PGM5: variants seen among roughly 807,000 people sequenced by gnomAD.
The protein encoded by PGM5 is phosphoglucomutase 5, also known as phosphoglucomutase-like protein 5.
In PGM5, 23 loss-of-function variants were observed where a neutral mutation model predicts 59.2. That is an observed-to-expected ratio of 0.39 (90% CI 0.28 to 0.55). The LOEUF (loss-of-function observed/expected upper bound fraction) is 0.55. PGM5 is among the 20% of genes least tolerant of loss of function. PGM5 has a pLI of 0.66. For missense variants in PGM5, 574 were observed against 748.3 expected (o/e 0.77, Z 2.72); for synonymous variants, 214 against 286.0 (o/e 0.75, Z 2.54).
intron 2 of PGM5, among the ~76,000 whole-genome samples, chr9:68,381,431 G>C (rs1554678304): frequency 6.6e-6 from 1 of 151,862 alleles, no homozygotes; most frequent in African/African-American, 2.4e-5. Context: ...ATCAATTGGG[G>C]ACAACTGAAA....
chr9:68,392,487 T>C lies in PGM5; in HGVS notation c.1043+14T>C, dbSNP rs1554679592. ...GGCCCTGGACAGGTAAGCAAGGATGTCACCGTGAAAAACTTTATGGTAGAC... is the reference window on the plus strand; with the variant it reads ...GGCCCTGGACAGGTAAGCAAGGATGCCACCGTGAAAAACTTTATGGTAGAC... On this transcript the variant is annotated intron_variant, in intron 6 of 10. Coordinates refer to ENST00000396396, the MANE Select transcript of PGM5 (RefSeq NM_021965.4). The C allele has an allele frequency of 1.2e-6, 2 of 1,609,014 alleles. No homozygotes were observed. Among genetic ancestry groups the C allele is most frequent in the South Asian group, 2.2e-5 (2 of 90,482 alleles).
At chr9:68,477,829 A>G (rs1291230591) in intron 7 of PGM5, among the ~76,000 whole-genome samples, 2 of 152,216 alleles carry the variant, frequency 1.3e-5, no homozygotes, top group African/African-American at 4.8e-5. Flanking sequence ...GTTATTGTCC[A>G]TAGATTACAG....
intron 6 of PGM5, chr9:68,400,668 A>G (rs549179511): frequency 2.4e-4 from 37 of 152,794 alleles, no homozygotes; most frequent in African/African-American, 8.4e-4. Flanking sequence ...TGAATGGTGC[A>G]TAATGACCCA....
intron 7 of PGM5, among the ~76,000 whole-genome samples, chr9:68,472,981 T>C (rs575463844): frequency 6.6e-5 from 10 of 152,318 alleles, no homozygotes; most frequent in African/African-American, 2.2e-4. Flanking sequence ...CATTTAAGAA[T>C]ATTTTTTTAA....
intron 6 of PGM5, among the ~76,000 whole-genome samples, chr9:68,459,684 G>A (rs1275204365): frequency 6.6e-6 from 1 of 152,130 alleles, no homozygotes; most frequent in African/African-American, 2.4e-5. Flanking sequence ...ACTCTTTCCA[G>A]CTAGTCTTGT....
chr9:68,376,805 C>CTTTG (rs1253041328), intron 1 of PGM5, among the ~76,000 whole-genome samples: 15 of 115,830 alleles, frequency 1.3e-4, no homozygotes, highest in African/African-American at 5.0e-4. Context: ...TTCTTTCTTT[C>CTTTG]TTTCTTTCTT....
At chr9:68,415,805 A>ATCTATCTC (rs1823016340) in intron 6 of PGM5, among the ~76,000 whole-genome samples, 1 of 69,396 alleles carries the variant, frequency 1.4e-5, no homozygotes, top group East Asian at 3.5e-4. Context: ...CTATCTATCT[A>ATCTATCTC]TCTATCTATC....
intron 1 of PGM5, among the ~76,000 whole-genome samples, chr9:68,363,948 G>A (rs1834632360): frequency 1.3e-5 from 2 of 152,176 alleles, no homozygotes; most frequent in South Asian, 4.1e-4. Context: ...AAAGGTGTAT[G>A]GTCAACTGAA....
At chr9:68,428,143 G>C (rs1312115308) in intron 6 of PGM5, among the ~76,000 whole-genome samples, 2 of 152,152 alleles carry the variant, frequency 1.3e-5, no homozygotes, top group Non-Finnish European at 2.9e-5. Flanking sequence ...CTTATAAACA[G>C]ATGAAACTCA....
chr9:68,481,389 TGG>T (rs1824194183), intron 8 of PGM5, among the ~76,000 whole-genome samples: 3 of 152,216 alleles, frequency 2.0e-5, no homozygotes, highest in African/African-American at 7.2e-5. Flanking sequence ...GGTAGAAACT[TGG>T]TTTACTCATT....
Position 68,462,473 on chromosome 9 carries a change from A to G in PGM5, c.1044-2620A>G, listed in dbSNP as rs374062739. Among the ~76,000 whole-genome samples, 443 of 152,132 alleles carry G rather than the reference A, an allele frequency of 2.9e-3. 4 individuals carry two copies. The South Asian group carries it at 0.031, about 11-fold the overall frequency. On this transcript the variant is annotated intron_variant, in intron 6 of 10. Transcript: ENST00000396396. ...AGGATCCTGGAATTTGATTACCCAT[A>G]TTGTTATTTTGGCTTGGATAGCTGC... is the stretch of plus-strand genomic sequence containing the variant.
rs1824245737 is a variant in PGM5, at chr9:68,484,019, C to T, written c.1450C>T (p.Pro484Ser). Residue 484 changes from proline (P) to serine (S), a missense_variant, in exon 9 of 11, where the codon CCT becomes TCT. Around this residue, in one of 7 missense-constraint regions of PGM5, gnomAD observed 300 missense variants for 280.0 expected, o/e 1.07. Coordinates refer to ENST00000396396, the MANE Select transcript of PGM5 (RefSeq NM_021965.4). ...GACGGATAGTTTTGAATACGTGGAC[C>T]CTGTGGATGGCACTGTGACCAAGAA... Reference protein sequence around the residue: ...AKTDSFEYVDPVDGTVTKKQG... With the variant: ...AKTDSFEYVDSVDGTVTKKQG... 1 of 1,613,536 alleles carries T rather than the reference C, an allele frequency of 6.2e-7. No individual in the cohort carries two copies. The highest frequency in any genetic ancestry group is 1.7e-5 in the Admixed American group (1 of 59,986).
At chr9:68,405,068 C>CA (rs1822770167) in intron 6 of PGM5, 1 of 152,234 alleles carries the variant, frequency 6.6e-6, no homozygotes, top group African/African-American at 2.4e-5. Context: ...TTCTAGACCC[C>CA]ATGCTCTTAC....
chr9:68,503,415 G>A (rs1824608747), intron 10 of PGM5, among the ~76,000 whole-genome samples: 1 of 152,180 alleles, frequency 6.6e-6, no homozygotes, highest in Non-Finnish European at 1.5e-5. Context: ...AATGAATACT[G>A]TACTGAAAGT....
chr9:68,472,546 G>T (rs7021955), intron 7 of PGM5, among the ~76,000 whole-genome samples: 4,165 of 152,272 alleles, frequency 0.027, 160 homozygotes, highest in East Asian at 0.086. Context: ...CTGAGGGGAT[G>T]ATCTGTAGGT....
At chr9:68,400,255 T>G (rs1233409765) in intron 6 of PGM5, among the ~76,000 whole-genome samples, 1 of 152,140 alleles carries the variant, frequency 6.6e-6, no homozygotes, top group Non-Finnish European at 1.5e-5. Context: ...TTATACAACA[T>G]GCACAATCTC....
rs530687926 is a variant in PGM5 at position 68,374,899 on chromosome 9, C to T, written c.262-3300C>T. On this transcript the variant is annotated intron_variant, in intron 1 of 10. Coordinates refer to ENST00000396396, the MANE Select transcript of PGM5 (RefSeq NM_021965.4). ...AATTAGATGGTAATATGTGTGAGCA[C>T]ATATATTTATTATTTCTCATCATTT... 1.3e-3 allele frequency among the ~76,000 whole-genome samples: 196 copies of T among 152,158 alleles called. 1 individual carries two copies. The highest frequency in any genetic ancestry group is 4.5e-3 in the African/African-American group (186 of 41,494).
At chr9:68,450,426 AC>A (rs1823676959) in intron 6 of PGM5, among the ~76,000 whole-genome samples, 1 of 152,120 alleles carries the variant, frequency 6.6e-6, no homozygotes, top group African/African-American at 2.4e-5. Flanking sequence ...AAAAACTTTA[AC>A]CTCTTCCGAA....
intron 9 of PGM5, among the ~76,000 whole-genome samples, chr9:68,488,674 T>C (rs1400957203): frequency 2.0e-5 from 3 of 152,014 alleles, no homozygotes; most frequent in African/African-American, 7.3e-5. Flanking sequence ...AAGAGAAAAA[T>C]TGATGTGTGC....
Sources: allele counts gnomAD v4.1 joint callset (sites outside exome capture counted in the v4.1 genomes callset), GRCh38; gene constraint gnomAD v4.1.1; regional missense constraint gnomAD v4.1.1; transcripts MANE v1.5; gene names NCBI Gene and HGNC (gene_info 2026-07-23, HGNC 2026-07-21).